The following AGTPBP1 variants were observed in gnomAD, a reference collection of about 807,000 sequenced individuals.
AGTPBP1 encodes cytosolic carboxypeptidase 1.
AGTPBP1 carries 70 observed loss-of-function variants against 143.9 expected under a neutral mutation model. The ratio of observed to expected loss-of-function variants is 0.49; its 90% CI spans 0.40 to 0.59. The LOEUF (loss-of-function observed/expected upper bound fraction) is 0.59. Among genes scored for constraint, AGTPBP1 ranks in the 20% least tolerant of loss-of-function variants. The pLI is 0.00. For missense variants in AGTPBP1, 1,229 were observed against 1,464.5 expected, an observed-to-expected ratio of 0.84 and a Z score of 2.62; for synonymous variants, 463 against 500.2, an observed-to-expected ratio of 0.93 and a Z score of 0.99.
At chr9:85,786,563 A>G in the AGTPBP1 span, 4 of 1,613,768 alleles carry the variant, frequency 2.5e-6, no homozygotes, top group East Asian at 8.9e-5. Context: ...TAGAAAACCA[A>G]GGGACTTAAA....
At position 85,707,637 on chromosome 9, in the gene AGTPBP1, T is replaced by C. The variant is rs1837095306; in HGVS notation, c.32+4865A>G. ...GGACAACATAGAAGAAATGAACAAA[T>C]GCCTTGAAAGACATTAGCTTCCTAA... On this transcript the variant is annotated intron_variant, in intron 2 of 25. Transcript: ENST00000357081. Among the ~76,000 whole-genome samples the C allele has an allele frequency of 2.6e-5, 4 of 152,160 alleles. No homozygotes were observed. In the South Asian group the frequency reaches 8.3e-4, roughly 31 times the overall value.
At chr9:85,709,505 G>A (rs964878772) in intron 2 of AGTPBP1, among the ~76,000 whole-genome samples, 3 of 152,176 alleles carry the variant, frequency 2.0e-5, no homozygotes, top group Admixed American at 2.0e-4. Flanking sequence ...GTTATCCAGG[G>A]TAAGGACTTT....
At chr9:85,589,807 C>G in intron 19 of AGTPBP1, 126 bp from the exon 20 acceptor site, 1 of 924,188 alleles carries the variant, frequency 1.1e-6, no homozygotes, top group Non-Finnish European at 1.6e-6. Context: ...ATCCAAAACC[C>G]TCAGGGCCAG....
intron 2 of AGTPBP1, among the ~76,000 whole-genome samples, chr9:85,711,280 C>T (rs978560639): frequency 6.6e-6 from 1 of 152,138 alleles, no homozygotes; most frequent in Non-Finnish European, 1.5e-5. Context: ...ATTTGCTCAT[C>T]ACTGTATAGC....
chr9:85,770,519 CT>C, the AGTPBP1 span: 1 of 1,287,186 alleles, frequency 7.8e-7, no homozygotes, highest in South Asian at 1.2e-5. Flanking sequence ...GAATATTTTT[CT>C]TATAAAGATG....
intron 13 of AGTPBP1, among the ~76,000 whole-genome samples, chr9:85,638,251 T>C (rs1283424079): frequency 1.3e-5 from 2 of 152,120 alleles, no homozygotes; most frequent in Non-Finnish European, 2.9e-5. Flanking sequence ...ATAAATATGT[T>C]GGAAAATCTA....
chr9:85,742,035 GGGGGCGGGGCGTGCGAGGCCGCGAAA>G, upstream of AGTPBP1: 1 of 1,192,976 alleles, frequency 8.4e-7, no homozygotes, highest in East Asian at 3.6e-5. Flanking sequence ...CGCAGGGAGT[GGGGGCGGGGCGTGCGAGGCCGCGAAA>G]GGGGCGGGGC....
At chr9:85,652,824 T>G (rs1368177367) in intron 11 of AGTPBP1, among the ~76,000 whole-genome samples, 2 of 152,180 alleles carry the variant, frequency 1.3e-5, no homozygotes, top group Non-Finnish European at 2.9e-5. Context: ...TCCAGACTTG[T>G]AATTGTTATC....
At chr9:85,553,712 T>C (rs77284536) in intron 25 of AGTPBP1, among the ~76,000 whole-genome samples, 1,741 of 152,326 alleles carry the variant, frequency 0.011, 23 homozygotes, top group South Asian at 0.025. Context: ...GACTAAATTA[T>C]CCAAATTAGA....
At chr9:85,614,312 C>T (rs1345787384) in intron 17 of AGTPBP1, among the ~76,000 whole-genome samples, 2 of 151,928 alleles carry the variant, frequency 1.3e-5, no homozygotes, top group Non-Finnish European at 2.9e-5. Flanking sequence ...ATAAAAAGTT[C>T]AGCAAGAAGG....
At chr9:85,593,624 T>C (rs1829111816) in intron 18 of AGTPBP1, among the ~76,000 whole-genome samples, 1 of 152,194 alleles carries the variant, frequency 6.6e-6, no homozygotes, top group South Asian at 2.1e-4. Flanking sequence ...TATGTAAGTA[T>C]GTACAGATAA....
intron 1 of AGTPBP1, among the ~76,000 whole-genome samples, chr9:85,728,432 TAA>T (rs570213207): frequency 9.7e-4 from 147 of 152,178 alleles, no homozygotes; most frequent in African/African-American, 3.2e-3. Context: ...GATCTACCCC[TAA>T]AAAAGTTATG....
chr9:85,690,118 A>C (rs970062775), intron 3 of AGTPBP1, among the ~76,000 whole-genome samples: 3 of 151,666 alleles, frequency 2.0e-5, no homozygotes, highest in Non-Finnish European at 1.5e-5. Context: ...TGTCATTCTA[A>C]TTTCTGTCAA....
chr9:85,753,138 A>C, the AGTPBP1 span, among the ~76,000 whole-genome samples: 671 of 152,258 alleles, frequency 4.4e-3, 4 homozygotes, highest in African/African-American at 0.015. Context: ...ATGTGGCTGG[A>C]TGGCTTGAGC....
Position 85,646,403 on chromosome 9 carries a change from T to C in AGTPBP1, c.1103A>G (p.Asp368Gly). 1 of 1,612,842 alleles carries C rather than the reference T, an allele frequency of 6.2e-7. No homozygotes were observed. Among genetic ancestry groups the C allele is most frequent in the Non-Finnish European group, 8.5e-7 (1 of 1,179,616 alleles). ...SLPPEVDDVV[D>G]ESDDNDDIDV... ...AATATCATCGTTGTCATCACTTTCA[T>C]CTACTACGTCATCCACTATGATACA... is the stretch of plus-strand genomic sequence containing the variant. The change falls in exon 12 of 26, where the codon GAT (aspartate) becomes GGT (glycine). Residue 368 changes from aspartate to glycine, a missense_variant. Asp to Gly is a moderately conservative substitution (Grantham distance 94, BLOSUM62 -1). Coordinates refer to ENST00000357081, the MANE Select transcript of AGTPBP1 (RefSeq NM_001330701.2).
In AGTPBP1 at chr9:85,660,977, T is replaced by C; in HGVS notation, c.663-4A>G. 1.3e-6 allele frequency: 2 copies of C among 1,593,480 alleles called. No homozygotes were observed. Among genetic ancestry groups the C allele is most frequent in the East Asian group, 2.3e-5 (1 of 44,008 alleles). ...AGCAAGAGTGTCTAAAGCAACCCTG[T>C]CAACACAACAAGAAAACACAAACAA... On this transcript the variant is annotated splice_polypyrimidine_tract_variant and splice_region_variant and intron_variant, in intron 8 of 25. Transcript: ENST00000357081.
At chr9:85,612,859 G>A (rs1383798181) in intron 17 of AGTPBP1, among the ~76,000 whole-genome samples, 1 of 151,194 alleles carries the variant, frequency 6.6e-6, no homozygotes, top group African/African-American at 2.4e-5. Flanking sequence ...GGGAAGTGGT[G>A]TGAGTAGTAG....
At chr9:85,724,015 G>A (rs145899052) in intron 1 of AGTPBP1, among the ~76,000 whole-genome samples, 48 of 152,196 alleles carry the variant, frequency 3.2e-4, no homozygotes, top group African/African-American at 1.1e-3. Flanking sequence ...GGCCGGGTAC[G>A]GTGGCTCATG....
chr9:85,786,362 A>G, the AGTPBP1 span: 1 of 1,614,060 alleles, frequency 6.2e-7, no homozygotes. Flanking sequence ...GATGATAATC[A>G]GTTTACAAAA....
Sources: allele counts gnomAD v4.1 joint callset (sites outside exome capture counted in the v4.1 genomes callset), GRCh38; gene constraint gnomAD v4.1.1; transcripts MANE v1.5; gene names NCBI Gene and HGNC (gene_info 2026-07-23, HGNC 2026-07-21).